The following ADGRB3 variants were observed in gnomAD, a reference collection of about 807,000 sequenced individuals.
ADGRB3 encodes adhesion G protein-coupled receptor B3, also known as brain-specific angiogenesis inhibitor 3.
A neutral mutation model predicts 193.4 loss-of-function variants in ADGRB3; 37 were observed. That is an observed-to-expected ratio of 0.19 (90% CI 0.15 to 0.25). The LOEUF (loss-of-function observed/expected upper bound fraction) is 0.25, where lower values mean the gene tolerates loss of function less well. Ranked by LOEUF, ADGRB3 falls within the 10% of genes least tolerant of loss-of-function variation. ADGRB3 has a pLI of 1.00. For synonymous variants in ADGRB3, 690 were observed against 644.2 expected, an observed-to-expected ratio of 1.07 and a Z score of -1.08; for missense variants, 1,637 against 1,852.9, an observed-to-expected ratio of 0.88 and a Z score of 2.14.
intron 17 of ADGRB3, among the ~76,000 whole-genome samples, chr6:69,151,535 G>A (rs1211543408): frequency 2.0e-5 from 3 of 152,118 alleles, no homozygotes; most frequent in Non-Finnish European, 2.9e-5. Context: ...CTTTTTCAGT[G>A]ATTTGAAGTT....
intron 23 of ADGRB3, chr6:69,332,701 A>T (rs1460918244): frequency 1.0e-6 from 1 of 985,322 alleles, no homozygotes; most frequent in African/African-American, 1.7e-5. Context: ...ACTGCAAAGC[A>T]TGGAAATTAA....
chr6:69,305,960 G>A (rs548732838), intron 20 of ADGRB3, among the ~76,000 whole-genome samples: 1 of 151,612 alleles, frequency 6.6e-6, no homozygotes, highest in African/African-American at 2.4e-5. Context: ...GGTGAATTAA[G>A]TGATGTGTAG....
At chr6:68,664,258 A>T in intron 3 of ADGRB3, among the ~76,000 whole-genome samples, 1 of 151,646 alleles carries the variant, frequency 6.6e-6, no homozygotes, top group Admixed American at 6.6e-5. Context: ...AAAATGTTTG[A>T]GATGTGTTTG....
At chr6:68,831,358 T>G (rs192216580) in intron 3 of ADGRB3, among the ~76,000 whole-genome samples, 1 of 151,496 alleles carries the variant, frequency 6.6e-6, no homozygotes, top group African/African-American at 2.4e-5. Flanking sequence ...ATGCTGAATT[T>G]GAAGTATTCC....
At chr6:68,948,799 A>T (rs1767840398) in intron 6 of ADGRB3, among the ~76,000 whole-genome samples, 1 of 152,134 alleles carries the variant, frequency 6.6e-6, no homozygotes, top group Non-Finnish European at 1.5e-5. Flanking sequence ...AATAAATGAA[A>T]GTTCTATTGG....
chr6:69,110,630 T>C (rs913816850), intron 17 of ADGRB3, among the ~76,000 whole-genome samples: 2 of 152,198 alleles, frequency 1.3e-5, no homozygotes, highest in Non-Finnish European at 2.9e-5. Flanking sequence ...ATTAAAGTAC[T>C]AGAAGATAAG....
intron 3 of ADGRB3, among the ~76,000 whole-genome samples, chr6:68,704,725 A>G (rs1440460070): frequency 6.6e-6 from 1 of 152,246 alleles, no homozygotes; most frequent in Non-Finnish European, 1.5e-5. Context: ...ATAATCTGTG[A>G]AAACCTTGCT....
intron 3 of ADGRB3, among the ~76,000 whole-genome samples, chr6:68,927,877 C>G (rs578245393): frequency 6.6e-6 from 1 of 152,032 alleles, no homozygotes; most frequent in Non-Finnish European, 1.5e-5. Context: ...TGTTGTACAA[C>G]AATAATCAAC....
intron 17 of ADGRB3, among the ~76,000 whole-genome samples, chr6:69,120,322 T>G (rs1561925033): frequency 6.6e-6 from 1 of 152,210 alleles, no homozygotes; most frequent in Non-Finnish European, 1.5e-5. Flanking sequence ...CTAAATCTAT[T>G]CAATAAGGAG....
chr6:69,146,506 G>A (rs950643107), intron 17 of ADGRB3, among the ~76,000 whole-genome samples: 2 of 152,224 alleles, frequency 1.3e-5, no homozygotes, highest in African/African-American at 4.8e-5. Context: ...GCTCCCAAGA[G>A]CACAATGATG....
chr6:68,852,327 C>A (rs1289289480), intron 3 of ADGRB3, among the ~76,000 whole-genome samples: 2 of 151,808 alleles, frequency 1.3e-5, no homozygotes, highest in Non-Finnish European at 1.5e-5. Flanking sequence ...TGTAATTGGG[C>A]TCAGAAGTGT....
intron 3 of ADGRB3, among the ~76,000 whole-genome samples, chr6:68,807,279 A>G (rs1356088728): frequency 8.6e-6 from 1 of 116,224 alleles, no homozygotes; most frequent in African/African-American, 3.4e-5. Context: ...GCTATCGCCC[A>G]GGTTGGAGTG....
chr6:68,952,053 T>C (rs1182395653), intron 6 of ADGRB3, among the ~76,000 whole-genome samples: 1 of 152,200 alleles, frequency 6.6e-6, no homozygotes, highest in South Asian at 2.1e-4. Context: ...TACATTTCTC[T>C]ACATTTATCC....
At chr6:68,865,771 C>A (rs535923952) in intron 3 of ADGRB3, among the ~76,000 whole-genome samples, 1 of 152,162 alleles carries the variant, frequency 6.6e-6, no homozygotes, top group African/African-American at 2.4e-5. Flanking sequence ...TGTCTACCTT[C>A]CTGCTGTCTC....
intron 3 of ADGRB3, among the ~76,000 whole-genome samples, chr6:68,648,630 G>A (rs1368231048): frequency 6.6e-6 from 1 of 150,516 alleles, no homozygotes; most frequent in Admixed American, 6.7e-5. Flanking sequence ...GATTATGTAG[G>A]TAGAATTACT....
chr6:68,996,662 A>G (rs778313685), intron 11 of ADGRB3, among the ~76,000 whole-genome samples: 7 of 152,142 alleles, frequency 4.6e-5, no homozygotes, highest in Admixed American at 1.3e-4. Flanking sequence ...GGCTTCGTCT[A>G]TCTCAATCTG....
Position 68,867,352 on chromosome 6 carries a change from G to T in ADGRB3, c.758-63207G>T, listed in dbSNP as rs1337970240. Among the ~76,000 whole-genome samples, 4 of 152,310 alleles carry T rather than the reference G, an allele frequency of 2.6e-5. No individual in the cohort carries two copies. In the East Asian group the frequency reaches 7.7e-4, roughly 29 times the overall value. On this transcript the variant is annotated intron_variant, in intron 3 of 31. Coordinates refer to ENST00000370598, the MANE Select transcript of ADGRB3 (RefSeq NM_001704.3). ...CTTGGTGGCTTCCATGTGGTGTTGA[G>T]CCTGCTGGTGCACAGAAGGCAAGAG...
At chr6:68,963,993 G>T (rs1768308344) in intron 8 of ADGRB3, among the ~76,000 whole-genome samples, 1 of 152,056 alleles carries the variant, frequency 6.6e-6, no homozygotes, top group Non-Finnish European at 1.5e-5. Context: ...TATGATAAAA[G>T]CTATAACTAA....
intron 16 of ADGRB3, among the ~76,000 whole-genome samples, chr6:69,068,065 G>A (rs1218160713): frequency 2.0e-5 from 3 of 152,092 alleles, no homozygotes; most frequent in Non-Finnish European, 2.9e-5. Flanking sequence ...TGAACCGATA[G>A]GTGTGGCTGT....
Sources: allele counts gnomAD v4.1 joint callset (sites outside exome capture counted in the v4.1 genomes callset), GRCh38; gene constraint gnomAD v4.1.1; transcripts MANE v1.5; gene names NCBI Gene and HGNC (gene_info 2026-07-23, HGNC 2026-07-21).